UBE2K: variants seen among roughly 807,000 people sequenced by gnomAD.
UBE2K encodes the protein ubiquitin conjugating enzyme E2 K, also known as ubiquitin-conjugating enzyme E2 K.
Under a neutral mutation model 30.0 loss-of-function variants are expected in UBE2K, and 6 were observed. The observed-to-expected ratio is 0.20, with a 90% CI of 0.11 to 0.39. The LOEUF is 0.39. UBE2K is among the 10% of genes least tolerant of loss of function. The probability of loss-of-function intolerance (pLI) is 1.00; values close to 1 mark genes in which losing one functional copy is unlikely to be tolerated. For missense variants in UBE2K, 61 were observed against 241.6 expected (o/e 0.25, Z 4.96); for synonymous variants, 86 against 83.7 (o/e 1.03, Z -0.15).
At chr4:39,741,076 G>A (rs1458461556) in intron 2 of UBE2K, among the ~76,000 whole-genome samples, 14 of 152,002 alleles carry the variant, frequency 9.2e-5, no homozygotes. Flanking sequence ...TTCAAGACCA[G>A]CCTGACCAAC....
intron 1 of UBE2K, among the ~76,000 whole-genome samples, chr4:39,704,621 C>G (rs995055209): frequency 7.9e-5 from 12 of 152,028 alleles, no homozygotes; most frequent in Non-Finnish European, 1.6e-4. Context: ...TTCACTGCAG[C>G]CTTGAACTCC....
intron 3 of UBE2K, among the ~76,000 whole-genome samples, chr4:39,752,332 TTTC>T (rs1426824210): frequency 2.5e-4 from 26 of 105,006 alleles, no homozygotes; most frequent in African/African-American, 9.1e-4. Context: ...TTTCTTTTTT[TTTC>T]TTTTTTTTTT....
In UBE2K at chr4:39,778,544, A is replaced by C. The variant is rs924835015; in HGVS notation, c.*110A>C. ...TCTTTTAAACTGGCATTCTTGCCTA[A>C]TGATGTTATCTAGGCACCATTGGAG... On this transcript the variant is annotated 3_prime_UTR_variant, in exon 7 of 7. Transcript: ENST00000261427. 7 of 664,210 alleles carry C rather than the reference A, an allele frequency of 1.1e-5. No individual in the cohort carries two copies. The highest frequency in any genetic ancestry group is 1.8e-5 in the Non-Finnish European group (7 of 395,052). The allele number at this position is 664,210 out of a possible 1,614,324, so 41.1% of individuals were successfully genotyped here.
At chr4:39,706,311 C>T (rs1031679846) in intron 1 of UBE2K, among the ~76,000 whole-genome samples, 2 of 151,724 alleles carry the variant, frequency 1.3e-5, no homozygotes, top group Admixed American at 6.6e-5. Flanking sequence ...CCACCCTGTC[C>T]GGCCACAATA....
chr4:39,728,350 C>A (rs988525070), intron 1 of UBE2K, among the ~76,000 whole-genome samples: 1 of 152,136 alleles, frequency 6.6e-6, no homozygotes, highest in African/African-American at 2.4e-5. Context: ...TGGTTTACGC[C>A]TCTAATCCCA....
chr4:39,770,073 C>T, intron 4 of UBE2K: 1 of 1,537,414 alleles, frequency 6.5e-7, no homozygotes, highest in Non-Finnish European at 8.7e-7. Context: ...GCCTCCACGC[C>T]TGCGCGGCTA....
At chr4:39,759,304 T>C (rs564750759) in intron 4 of UBE2K, among the ~76,000 whole-genome samples, 1 of 152,300 alleles carries the variant, frequency 6.6e-6, no homozygotes, top group East Asian at 1.9e-4. Context: ...TGAGGCAAAG[T>C]CTCGCTCTGT....
intron 3 of UBE2K, among the ~76,000 whole-genome samples, chr4:39,753,028 CAGAA>C (rs1457195968): frequency 1.3e-5 from 2 of 152,056 alleles, no homozygotes; most frequent in East Asian, 3.9e-4. Context: ...CTCCAAAAAA[CAGAA>C]AGAAAGAAAA....
intron 4 of UBE2K, among the ~76,000 whole-genome samples, chr4:39,757,137 T>G (rs979100327): frequency 2.0e-5 from 3 of 151,390 alleles, no homozygotes; most frequent in African/African-American, 7.3e-5. Flanking sequence ...GCGATTCTCC[T>G]GCCTTAGCCT....
intron 1 of UBE2K, among the ~76,000 whole-genome samples, chr4:39,719,058 C>A (rs1014281544): frequency 6.6e-6 from 1 of 152,242 alleles, no homozygotes; most frequent in African/African-American, 2.4e-5. Flanking sequence ...AGCACGCTGT[C>A]ACCTCTCATT....
At chr4:39,738,734 G>T (rs1720509447) in intron 2 of UBE2K, among the ~76,000 whole-genome samples, 1 of 152,120 alleles carries the variant, frequency 6.6e-6, no homozygotes, top group African/African-American at 2.4e-5. Context: ...CTGGAGTGCG[G>T]TGGTGAAATC....
At chr4:39,774,613 A>G (rs446539) in intron 4 of UBE2K, among the ~76,000 whole-genome samples, 125,790 of 151,598 alleles carry the variant, frequency 0.83, 52,667 homozygotes, top group African/African-American at 0.93. Flanking sequence ...ACTCCGTCTC[A>G]GGGGAAAAAA....
At chr4:39,729,136 A>G (rs896344735) in intron 1 of UBE2K, among the ~76,000 whole-genome samples, 2 of 151,354 alleles carry the variant, frequency 1.3e-5, no homozygotes, top group Non-Finnish European at 2.9e-5. Context: ...GCCCCCAGCT[A>G]ATTTTTGTAT....
chr4:39,770,807 C>T (rs1290484116), intron 4 of UBE2K: 17 of 1,555,716 alleles, frequency 1.1e-5, no homozygotes, highest in East Asian at 2.2e-5. Flanking sequence ...CCGACTCCAC[C>T]TTGACGATGC....
chr4:39,702,231 C>CTTTTTTTTTTTTTTTTTTT (rs564712672), intron 1 of UBE2K, among the ~76,000 whole-genome samples: 13 of 67,362 alleles, frequency 1.9e-4, no homozygotes, highest in South Asian at 4.7e-4. Flanking sequence ...CTTTTCTTTT[C>CTTTTTTTTTTTTTTTTTTT]TTTTTTTTTT....
At chr4:39,729,434 T>C (rs969299208) in intron 1 of UBE2K, among the ~76,000 whole-genome samples, 4 of 152,184 alleles carry the variant, frequency 2.6e-5, no homozygotes, top group African/African-American at 9.7e-5. Flanking sequence ...AATTCTTTGT[T>C]TCCTTATCTT....
At chr4:39,701,559 T>A (rs1025757667) in intron 1 of UBE2K, among the ~76,000 whole-genome samples, 24 of 152,172 alleles carry the variant, frequency 1.6e-4, no homozygotes, top group African/African-American at 5.8e-4. Context: ...GATTTGGATC[T>A]AGGTCTGCTT....
intron 1 of UBE2K, among the ~76,000 whole-genome samples, chr4:39,707,481 T>G (rs139763021): frequency 2.0e-5 from 3 of 151,870 alleles, no homozygotes; most frequent in African/African-American, 7.2e-5. Flanking sequence ...ATTACAGGCA[T>G]GAGCCGTCGT....
At chr4:39,702,226 CTTTTCTTT>C (rs1718058278) in intron 1 of UBE2K, among the ~76,000 whole-genome samples, 1 of 90,824 alleles carries the variant, frequency 1.1e-5, no homozygotes, top group Non-Finnish European at 2.5e-5. Context: ...CTTTTCTTTT[CTTTTCTTT>C]TTTTTTTTTT....
Sources: gnomAD v4.1 joint callset for allele counts (sites outside exome capture counted in the v4.1 genomes callset) on GRCh38, gnomAD v4.1.1 for gene constraint, MANE v1.5 for transcripts, NCBI Gene and HGNC (gene_info 2026-07-23, HGNC 2026-07-21) for gene names.